Variants in ABCG2 observed in about 807,000 individuals in gnomAD.
ABCG2 encodes broad substrate specificity ATP-binding cassette transporter ABCG2.
A neutral mutation model predicts 73.5 loss-of-function variants in ABCG2; 80 were observed. That is an observed-to-expected ratio of 1.09 (90% CI 0.91 to 1.31). ABCG2 has a LOEUF of 1.31. Among genes scored for constraint, ABCG2 ranks in the 50% most tolerant of loss-of-function variants. ABCG2 has a pLI of 0.00. For missense variants in ABCG2, 796 were observed against 786.2 expected (o/e 1.01, Z -0.15); for synonymous variants, 269 against 282.4 (o/e 0.95, Z 0.48).
At chr4:88,222,410 C>T (rs1730044705) in intron 1 of ABCG2, among the ~76,000 whole-genome samples, 1 of 152,124 alleles carries the variant, frequency 6.6e-6, no homozygotes, top group South Asian at 2.1e-4. Context: ...TGGGAGGTCA[C>T]TGAATCGTGG....
chr4:88,141,110 C>T (rs1230615915), intron 1 of ABCG2, among the ~76,000 whole-genome samples: 2 of 152,116 alleles, frequency 1.3e-5, no homozygotes, highest in Non-Finnish European at 1.5e-5. Flanking sequence ...TAATCCATGA[C>T]GAACTTTCTC....
At chr4:88,124,365 T>C (rs997548146) in intron 5 of ABCG2, among the ~76,000 whole-genome samples, 1 of 152,142 alleles carries the variant, frequency 6.6e-6, no homozygotes, top group Admixed American at 6.6e-5. Flanking sequence ...AGACACAGAC[T>C]AGCAAATTGG....
chr4:88,157,672 A>G (rs1247153814), intron 1 of ABCG2, among the ~76,000 whole-genome samples: 2 of 150,460 alleles, frequency 1.3e-5, no homozygotes, highest in Non-Finnish European at 2.9e-5. Context: ...TTTCTCATCA[A>G]GATCTCATCA....
At chr4:88,106,071 T>G (rs1365022583) in intron 10 of ABCG2, among the ~76,000 whole-genome samples, 1 of 152,206 alleles carries the variant, frequency 6.6e-6, no homozygotes, top group East Asian at 1.9e-4. Context: ...AATTACTATA[T>G]GACCCAGAAA....
chr4:88,154,512 GT>G (rs1344467518), intron 1 of ABCG2, among the ~76,000 whole-genome samples: 7 of 152,204 alleles, frequency 4.6e-5, no homozygotes, highest in African/African-American at 1.7e-4. Flanking sequence ...AATGATAGAT[GT>G]GGAAGATACT....
At chr4:88,184,953 A>C (rs1391697713) in intron 1 of ABCG2, among the ~76,000 whole-genome samples, 1 of 152,234 alleles carries the variant, frequency 6.6e-6, no homozygotes, top group East Asian at 1.9e-4. Flanking sequence ...GGAAAAGAAT[A>C]TCTCTTCAAT....
upstream of ABCG2, among the ~76,000 whole-genome samples, chr4:88,162,180 A>C (rs562185748): frequency 1.3e-5 from 2 of 152,090 alleles, no homozygotes; most frequent in African/African-American, 4.8e-5. Flanking sequence ...GTGAGACCCC[A>C]CTCTAAAGAA....
At chr4:88,222,796 A>G (rs1730060719) in intron 1 of ABCG2, among the ~76,000 whole-genome samples, 1 of 152,192 alleles carries the variant, frequency 6.6e-6, no homozygotes, top group African/African-American at 2.4e-5. Flanking sequence ...AGATCCACCA[A>G]CAGCTTGCCC....
chr4:88,207,084 T>C (rs1386697703), intron 1 of ABCG2, among the ~76,000 whole-genome samples: 1 of 152,306 alleles, frequency 6.6e-6, no homozygotes, highest in African/African-American at 2.4e-5. Context: ...CGTGAACCAA[T>C]GTGCCCAGTC....
intron 1 of ABCG2, among the ~76,000 whole-genome samples, chr4:88,229,847 C>G (rs1378564734): frequency 6.6e-6 from 1 of 152,106 alleles, no homozygotes; most frequent in African/African-American, 2.4e-5. Context: ...ACTACCAGGC[C>G]TGTTACAGGA....
At chr4:88,097,077 T>C (rs546231709) in intron 13 of ABCG2, among the ~76,000 whole-genome samples, 17 of 152,318 alleles carry the variant, frequency 1.1e-4, no homozygotes, top group African/African-American at 3.8e-4. Flanking sequence ...AGTTCTCTAA[T>C]GCCAGCATGA....
chr4:88,144,730 T>A (rs1725865701), intron 1 of ABCG2, among the ~76,000 whole-genome samples: 1 of 152,168 alleles, frequency 6.6e-6, no homozygotes. Context: ...GTGCTGGGAT[T>A]ATAGGTGTGA....
chr4:88,226,011 C>T (rs1033518166), intron 1 of ABCG2, among the ~76,000 whole-genome samples: 9 of 152,198 alleles, frequency 5.9e-5, no homozygotes, highest in African/African-American at 2.2e-4. Flanking sequence ...TATCTCCCAC[C>T]GGGTCCCTCC....
intron 2 of ABCG2, among the ~76,000 whole-genome samples, chr4:88,136,949 T>G (rs1387230234): frequency 7.5e-6 from 1 of 132,714 alleles, no homozygotes; most frequent in Non-Finnish European, 1.6e-5. Flanking sequence ...GAGCCGGAAG[T>G]TGCAGTGAGC....
chr4:88,188,266 T>G (rs528031868), intron 1 of ABCG2, among the ~76,000 whole-genome samples: 2 of 152,346 alleles, frequency 1.3e-5, no homozygotes, highest in African/African-American at 4.8e-5. Flanking sequence ...CTTGGCACAT[T>G]TGTTGAAAAT....
At chr4:88,222,759 C>T (rs1366940525) in intron 1 of ABCG2, among the ~76,000 whole-genome samples, 2 of 152,200 alleles carry the variant, frequency 1.3e-5, no homozygotes, top group Non-Finnish European at 1.5e-5. Flanking sequence ...GAGAAGTAGG[C>T]CACCATCCTC....
intron 1 of ABCG2, among the ~76,000 whole-genome samples, chr4:88,148,899 C>G (rs981978152): frequency 6.6e-6 from 1 of 152,328 alleles, no homozygotes; most frequent in South Asian, 2.1e-4. Context: ...CCCCTGACAA[C>G]CACTAATCAG....
intron 1 of ABCG2, among the ~76,000 whole-genome samples, chr4:88,191,828 A>C (rs1160550911): frequency 6.6e-6 from 1 of 152,170 alleles, no homozygotes; most frequent in Non-Finnish European, 1.5e-5. Flanking sequence ...AACCTCAAAA[A>C]CATGCTAAGT....
chr4:88,097,509 G>A lies in ABCG2; in HGVS notation c.1591C>T (p.Gln531Ter), dbSNP rs201584210. ...SSMALAIAAGQSVVSVATLLM... is the reference protein window; with the variant it reads ...SSMALAIAAG The stretch of plus-strand genomic sequence containing the variant: ...AGTGTTGCTACAGAAACCACACTCT[G>A]ACCTGCTGCTATGGCCAGTGCCATG... Residue 531 changes from glutamine to a stop codon, truncating the protein, a stop_gained, in exon 13 of 16, where the codon CAG becomes TAG. Coordinates refer to ENST00000237612, the MANE Select transcript of ABCG2 (RefSeq NM_004827.3). LOFTEE classifies it high-confidence loss of function. 2 of 1,614,054 alleles carry A rather than the reference G, an allele frequency of 1.2e-6. No homozygotes were observed. Among genetic ancestry groups the A allele is most frequent in the Admixed American group, 1.7e-5 (1 of 60,006 alleles).
Sources: allele counts gnomAD v4.1 joint callset (sites outside exome capture counted in the v4.1 genomes callset), GRCh38; gene constraint gnomAD v4.1.1; transcripts MANE v1.5; gene names NCBI Gene and HGNC (gene_info 2026-07-23, HGNC 2026-07-21).